Variants in MGAT4C observed in about 807,000 individuals in gnomAD.
The protein encoded by MGAT4C is MGAT4 family member C, also known as alpha-1,3-mannosyl-glycoprotein 4-beta-N-acetylglucosaminyltransferase C.
Under a neutral mutation model 40.1 loss-of-function variants are expected in MGAT4C, and 19 were observed. That is an observed-to-expected ratio of 0.47 (90% CI 0.33 to 0.70). MGAT4C has a LOEUF of 0.70. Among genes scored for constraint, MGAT4C ranks in the 30% least tolerant of loss-of-function variants. MGAT4C has a pLI of 0.02. For synonymous variants in MGAT4C, 181 were observed against 187.1 expected (o/e 0.97, Z 0.27); for missense variants, 491 against 563.2 (o/e 0.87, Z 1.30).
rs532762574 is a variant in MGAT4C at position 86,392,237 on chromosome 12, C to G, written c.-120+42920G>C. 8.5e-5 allele frequency among the ~76,000 whole-genome samples: 13 copies of G among 152,178 alleles called. No individual in the cohort carries two copies. The South Asian group carries it at 2.7e-3, about 32-fold the overall frequency. On this transcript the variant is annotated intron_variant, in intron 3 of 7. Transcript: ENST00000548651. ...CTGTAATCCCAGCACTTTGGGAGAT[C>G]AAGGCAGGCGGATCACCTGAGGTCA...
intron 1 of MGAT4C, among the ~76,000 whole-genome samples, chr12:86,254,979 C>A (rs1393921628): frequency 6.6e-6 from 1 of 152,068 alleles, no homozygotes; most frequent in Non-Finnish European, 1.5e-5. Context: ...AAAACCCCTG[C>A]TGTCTTAAAG....
chr12:86,317,978 G>T (rs1204492569), intron 4 of MGAT4C, among the ~76,000 whole-genome samples: 1 of 151,574 alleles, frequency 6.6e-6, no homozygotes, highest in Non-Finnish European at 1.5e-5. Context: ...TATGTTAAAA[G>T]AATTCAGCTT....
chr12:86,566,969 G>A (rs139876148), intron 2 of MGAT4C, among the ~76,000 whole-genome samples: 1 of 152,130 alleles, frequency 6.6e-6, no homozygotes, highest in African/African-American at 2.4e-5. Flanking sequence ...TCACGCTCAT[G>A]GAATTCACTG....
chr12:86,155,469 C>G (rs888305269), intron 1 of MGAT4C, among the ~76,000 whole-genome samples: 1 of 151,948 alleles, frequency 6.6e-6, no homozygotes, highest in Non-Finnish European at 1.5e-5. Context: ...TTTAGGTGCT[C>G]TAAACAGGAC....
intron 3 of MGAT4C, among the ~76,000 whole-genome samples, chr12:86,351,026 TATTG>T (rs1261524929): frequency 6.6e-6 from 1 of 151,836 alleles, no homozygotes; most frequent in African/African-American, 2.4e-5. Flanking sequence ...ATATTAAATA[TATTG>T]ATTGATATTA....
intron 1 of MGAT4C, among the ~76,000 whole-genome samples, chr12:86,766,603 A>T (rs1951513877): frequency 6.7e-6 from 1 of 149,600 alleles, no homozygotes; most frequent in Non-Finnish European, 1.5e-5. Context: ...TCCACAATTG[A>T]CCACATAGTT....
intron 2 of MGAT4C, among the ~76,000 whole-genome samples, chr12:86,525,929 T>A (rs981815280): frequency 2.6e-5 from 4 of 152,218 alleles, no homozygotes; most frequent in African/African-American, 9.7e-5. Flanking sequence ...CTCATTCGCA[T>A]GTGCCAGCAG....
At chr12:85,984,578 A>G (rs1885005665) in intron 3 of MGAT4C, among the ~76,000 whole-genome samples, 1 of 152,088 alleles carries the variant, frequency 6.6e-6, no homozygotes, top group Admixed American at 6.5e-5. Flanking sequence ...CTAAATGGTA[A>G]ATTTTGATTA....
chr12:86,813,562 ATATT>A (rs1454595407), intron 1 of MGAT4C, among the ~76,000 whole-genome samples: 12 of 152,054 alleles, frequency 7.9e-5, no homozygotes, highest in Admixed American at 7.2e-4. Context: ...TTATGGTAAT[ATATT>A]TATTTATCAC....
At position 85,956,811 on chromosome 12, in the gene MGAT4C, T is replaced by C. The variant is rs1882819043; in HGVS notation, c.*22478A>G. ...TTTATGACATGAGATTGAAGGTGAC[T>C]CTGAATCAACAGAATTTTATTTTTC... On this transcript the variant is annotated 3_prime_UTR_variant, in exon 5 of 5. Transcript: ENST00000611864. 1 of 152,204 alleles carries C rather than the reference T, an allele frequency of 6.6e-6. No individual in the cohort carries two copies. The highest frequency in any genetic ancestry group is 1.5e-5 in the Non-Finnish European group (1 of 68,032). The allele number at this position is 152,204 out of a possible 1,614,324, so 9.4% of individuals were successfully genotyped here.
rs550790623 is a variant in MGAT4C at position 86,093,725 on chromosome 12, G to A, written c.-56-44002C>T. Among the ~76,000 whole-genome samples, 408 of 142,188 alleles carry A rather than the reference G, an allele frequency of 2.9e-3. 3 individuals carry two copies. The highest frequency in any genetic ancestry group is 0.011 in the Middle Eastern group (3 of 266). The allele number at this position is 142,188 out of a possible 152,430, so 93.3% of individuals were successfully genotyped here. On this transcript the variant is annotated intron_variant, in intron 1 of 4. Transcript: ENST00000611864. ...CCTGGGCAAGGCAGAGTGAGACTCC[G>A]TCTAAAAACAACAACAACAACAACA...
Position 86,477,637 on chromosome 12 carries a change from G to A in MGAT4C, c.-228-42372C>T, listed in dbSNP as rs182757433. On this transcript the variant is annotated intron_variant, in intron 2 of 7. Coordinates refer to the MGAT4C transcript ENST00000548651. ...ATACTTTGAGTTCTAGGGTACATGT[G>A]CACAACGTGCAGGTTTGTTACATAT... 1.4e-3 allele frequency among the ~76,000 whole-genome samples: 219 copies of A among 152,106 alleles called. 1 individual carries two copies. The highest frequency in any genetic ancestry group is 5.0e-3 in the African/African-American group (206 of 41,514).
intron 2 of MGAT4C, among the ~76,000 whole-genome samples, chr12:86,666,104 T>C (rs1964098490): frequency 6.6e-6 from 1 of 152,186 alleles, no homozygotes; most frequent in Non-Finnish European, 1.5e-5. Flanking sequence ...ACAAGCTTGA[T>C]GCAATTTTGA....
chr12:86,239,477 A>T (rs1322564822), intron 1 of MGAT4C, among the ~76,000 whole-genome samples: 2 of 152,032 alleles, frequency 1.3e-5, no homozygotes, highest in African/African-American at 4.8e-5. Context: ...TTTACAATTA[A>T]AATTAATATC....
At chr12:86,684,159 T>C (rs1384373520) in intron 2 of MGAT4C, among the ~76,000 whole-genome samples, 1 of 152,150 alleles carries the variant, frequency 6.6e-6, no homozygotes, top group Non-Finnish European at 1.5e-5. Flanking sequence ...GCAGATCACT[T>C]GAGGTCATGC....
At chr12:86,552,534 T>C (rs932195986) in intron 2 of MGAT4C, among the ~76,000 whole-genome samples, 1 of 152,130 alleles carries the variant, frequency 6.6e-6, no homozygotes, top group African/African-American at 2.4e-5. Context: ...TTAAATTTTC[T>C]GAACACAAAG....
chr12:86,548,357 C>A (rs1959213769), intron 2 of MGAT4C, among the ~76,000 whole-genome samples: 1 of 152,054 alleles, frequency 6.6e-6, no homozygotes, highest in Non-Finnish European at 1.5e-5. Context: ...ATAGAATAAT[C>A]TCTCAAGGTT....
intron 2 of MGAT4C, among the ~76,000 whole-genome samples, chr12:86,597,267 G>C (rs1961575554): frequency 6.6e-6 from 1 of 152,266 alleles, no homozygotes; most frequent in Admixed American, 6.5e-5. Context: ...TTGCCAGCAA[G>C]AAAAAGCTAG....
chr12:86,572,352 G>C (rs377036213), intron 2 of MGAT4C, among the ~76,000 whole-genome samples: 41 of 151,998 alleles, frequency 2.7e-4, no homozygotes, highest in African/African-American at 9.9e-4. Context: ...TATTCCTTTT[G>C]TACTCAATCA....
Sources: gnomAD v4.1 joint callset for allele counts (sites outside exome capture counted in the v4.1 genomes callset) on GRCh38, gnomAD v4.1.1 for gene constraint, MANE v1.5 for transcripts, NCBI Gene and HGNC (gene_info 2026-07-23, HGNC 2026-07-21) for gene names.